TRPS1: variants seen among roughly 807,000 people sequenced by gnomAD.
The protein encoded by TRPS1 is transcriptional repressor GATA binding 1, also known as zinc finger transcription factor Trps1.
In TRPS1, 6 loss-of-function variants were observed where a neutral mutation model predicts 101.2. The ratio of observed to expected loss-of-function variants is 0.06; its 90% confidence interval spans 0.03 to 0.12. The LOEUF is 0.12. TRPS1 is among the 10% of genes least tolerant of loss of function. The pLI is 1.00. For synonymous variants in TRPS1, 578 were observed against 589.8 expected (o/e 0.98, Z 0.29); for missense variants, 1,363 against 1,567.0 (o/e 0.87, Z 2.20).
chr8:115,573,967 G>A (rs937993738), intron 5 of TRPS1, among the ~76,000 whole-genome samples: 4 of 152,136 alleles, frequency 2.6e-5, no homozygotes, highest in Admixed American at 1.3e-4. Flanking sequence ...TCAACACAAT[G>A]TGATCTGTTC....
At chr8:115,549,861 G>A (rs1816662965) in intron 5 of TRPS1, among the ~76,000 whole-genome samples, 1 of 152,008 alleles carries the variant, frequency 6.6e-6, no homozygotes, top group Non-Finnish European at 1.5e-5. Context: ...AGTAACCCTG[G>A]ATAGGTAACA....
At chr8:115,577,282 A>G (rs543537534) in intron 5 of TRPS1, among the ~76,000 whole-genome samples, 1 of 152,252 alleles carries the variant, frequency 6.6e-6, no homozygotes, top group South Asian at 2.1e-4. Flanking sequence ...TTTAGATTCC[A>G]TATAGAAGAG....
intron 5 of TRPS1, among the ~76,000 whole-genome samples, chr8:115,479,224 G>A (rs557441503): frequency 6.6e-5 from 10 of 152,088 alleles, no homozygotes; most frequent in South Asian, 4.2e-4. Context: ...TGAACACTTC[G>A]TCAAAACTAT....
chr8:115,430,126 T>A (rs780358583), intron 5 of TRPS1, among the ~76,000 whole-genome samples: 47 of 152,158 alleles, frequency 3.1e-4, no homozygotes, highest in Admixed American at 5.2e-4. Context: ...CTACTCTTCA[T>A]CATAAGAGGA....
chr8:115,439,151 C>G (rs1813527369), intron 5 of TRPS1, among the ~76,000 whole-genome samples: 1 of 152,166 alleles, frequency 6.6e-6, no homozygotes, highest in Non-Finnish European at 1.5e-5. Context: ...TGTGGTCCTA[C>G]CTGGGACTAT....
rs1818133069 is a variant in TRPS1 at position 115,610,293 on chromosome 8, GAA to G, written c.967-5293_967-5292del. Among the ~76,000 whole-genome samples, 5 of 152,194 alleles carry G rather than the reference GAA, an allele frequency of 3.3e-5. 1 individual carries two copies. The South Asian group carries it at 1.0e-3, about 32-fold the overall frequency. On this transcript the variant is annotated intron_variant, in intron 3 of 6. Coordinates refer to ENST00000395715, the MANE Select transcript of TRPS1 (RefSeq NM_014112.5). ...CAAATACTGATATTTCGAATAACTT[GAA>G]AAAAGTCTGTAAGGGCCGATCTTAG... is the stretch of plus-strand genomic sequence containing the variant.
At chr8:115,453,090 C>T (rs1007207614) in intron 5 of TRPS1, among the ~76,000 whole-genome samples, 9 of 151,608 alleles carry the variant, frequency 5.9e-5, no homozygotes, top group East Asian at 3.9e-4. Flanking sequence ...GGCGCGATCT[C>T]GGCTCACTGC....
intron 5 of TRPS1, among the ~76,000 whole-genome samples, chr8:115,555,764 G>A (rs953179846): frequency 3.9e-5 from 6 of 152,042 alleles, no homozygotes; most frequent in East Asian, 3.9e-4. Context: ...TCAGCTCTTC[G>A]GGGCTAAGTG....
chr8:115,542,367 T>A (rs1224965638), intron 5 of TRPS1, among the ~76,000 whole-genome samples: 1 of 152,194 alleles, frequency 6.6e-6, no homozygotes, highest in African/African-American at 2.4e-5. Context: ...CCAAACCTAA[T>A]TCATTTCCTG....
intron 2 of TRPS1, among the ~76,000 whole-genome samples, chr8:115,620,800 A>G (rs1427759543): frequency 6.6e-6 from 1 of 152,228 alleles, no homozygotes; most frequent in Non-Finnish European, 1.5e-5. Context: ...CAGTGGTCAG[A>G]TCAGGTTTTC....
At chr8:115,440,562 T>C (rs1033029805) in intron 5 of TRPS1, among the ~76,000 whole-genome samples, 18 of 152,222 alleles carry the variant, frequency 1.2e-4, no homozygotes, top group Admixed American at 1.2e-3. Context: ...CTCTGTAAAA[T>C]ATCTAACTCC....
intron 5 of TRPS1, among the ~76,000 whole-genome samples, chr8:115,523,225 A>G (rs1056982225): frequency 6.6e-6 from 1 of 152,116 alleles, no homozygotes; most frequent in African/African-American, 2.4e-5. Context: ...CAAGAGGCTT[A>G]AAAGGTTTCA....
chr8:115,645,920 C>G (rs1819014344), intron 1 of TRPS1, among the ~76,000 whole-genome samples: 1 of 152,138 alleles, frequency 6.6e-6, no homozygotes, highest in Non-Finnish European at 1.5e-5. Context: ...AAGGATGACA[C>G]TGAGCTAGCC....
At chr8:115,544,147 G>C (rs1384921360) in intron 5 of TRPS1, among the ~76,000 whole-genome samples, 2 of 149,662 alleles carry the variant, frequency 1.3e-5, no homozygotes, top group African/African-American at 2.5e-5. Context: ...AAAGGAAGCA[G>C]AAGAAACAAG....
At chr8:115,561,844 A>AT (rs1412628872) in intron 5 of TRPS1, among the ~76,000 whole-genome samples, 7 of 152,104 alleles carry the variant, frequency 4.6e-5, no homozygotes, top group Admixed American at 1.3e-4. Flanking sequence ...TAAAAAAAAA[A>AT]GAACACAATT....
chr8:115,437,657 A>G (rs1275504241), intron 5 of TRPS1, among the ~76,000 whole-genome samples: 1 of 152,246 alleles, frequency 6.6e-6, no homozygotes, highest in Non-Finnish European at 1.5e-5. Flanking sequence ...ACGAACAAGA[A>G]GGAAGTTTTT....
In TRPS1 at chr8:115,619,989, T is replaced by C. The variant is rs1256138022; in HGVS notation, c.109A>G (p.Ile37Val). ...SEGEGQILEP[I>V]GTESKVSGKN... is the part of the protein sequence containing the mutation. ...CCAGATACCTTGCTTTCTGTACCTA[T>C]AGGCTCCAGGATCTGGCCCTCGCCT... Residue 37 changes from isoleucine to valine, a missense_variant, in exon 3 of 7, where the codon ATA (isoleucine) becomes GTA (valine). By Grantham distance (29) the Ile-to-Val change is conservative (BLOSUM62 3). Coordinates refer to ENST00000395715, the MANE Select transcript of TRPS1 (RefSeq NM_014112.5). 3 of 1,614,088 alleles carry C rather than the reference T, an allele frequency of 1.9e-6. No homozygotes were observed. The highest frequency in any genetic ancestry group is 2.7e-5 in the African/African-American group (2 of 74,942).
chr8:115,452,176 C>T (rs1311987179), intron 5 of TRPS1, among the ~76,000 whole-genome samples: 1 of 152,102 alleles, frequency 6.6e-6, no homozygotes, highest in East Asian at 1.9e-4. Flanking sequence ...AAGCCAGAGG[C>T]CCTAACTCCC....
intron 1 of TRPS1, among the ~76,000 whole-genome samples, chr8:115,665,387 GTGA>G (rs1183629841): frequency 6.6e-6 from 1 of 152,112 alleles, no homozygotes; most frequent in African/African-American, 2.4e-5. Flanking sequence ...AATAATAGTA[GTGA>G]TAATAGAACC....
Sources: gnomAD v4.1 joint callset for allele counts (sites outside exome capture counted in the v4.1 genomes callset) on GRCh38, gnomAD v4.1.1 for gene constraint, MANE v1.5 for transcripts, NCBI Gene and HGNC (gene_info 2026-07-23, HGNC 2026-07-21) for gene names.